The following CNBP variants were observed in gnomAD, a reference collection of about 807,000 sequenced individuals.
CNBP encodes the protein cellular nucleic acid-binding protein.
CNBP carries 6 observed loss-of-function variants against 21.2 expected under a neutral mutation model. The ratio of observed to expected loss-of-function variants is 0.28; its 90% confidence interval spans 0.16 to 0.56. The LOEUF is 0.56. CNBP is among the 20% of genes least tolerant of loss of function. CNBP has a pLI of 0.93. For missense variants in CNBP, 112 were observed against 233.1 expected, an observed-to-expected ratio of 0.48 and a Z score of 3.38; for synonymous variants, 61 against 74.9, an observed-to-expected ratio of 0.81 and a Z score of 0.96.
chr3:129,172,875 T>C (rs1560035513), intron 1 of CNBP, among the ~76,000 whole-genome samples: 2 of 152,104 alleles, frequency 1.3e-5, no homozygotes, highest in Non-Finnish European at 2.9e-5. Context: ...CCCAAACCAA[T>C]GAAGCTGTAA....
chr3:129,176,071 T>A (rs984497968), intron 1 of CNBP, among the ~76,000 whole-genome samples: 1 of 152,200 alleles, frequency 6.6e-6, no homozygotes, highest in African/African-American at 2.4e-5. Flanking sequence ...CAGGTCCCCA[T>A]CCTAGCACTC....
intron 1 of CNBP, among the ~76,000 whole-genome samples, chr3:129,172,720 ACACACACACACACT>A (rs2107636793): frequency 6.6e-6 from 1 of 151,814 alleles, no homozygotes; most frequent in South Asian, 2.1e-4. Context: ...ACACACACAC[ACACACACACACACT>A]GGCAGTAATA....
chr3:129,179,192 G>A (rs761724669), intron 1 of CNBP, among the ~76,000 whole-genome samples: 2 of 151,828 alleles, frequency 1.3e-5, no homozygotes, highest in East Asian at 1.9e-4. Flanking sequence ...CAGGAGAATC[G>A]CTTGAACCCG....
intron 1 of CNBP, among the ~76,000 whole-genome samples, chr3:129,178,071 A>G (rs964533308): frequency 6.8e-6 from 1 of 148,110 alleles, no homozygotes; most frequent in African/African-American, 2.5e-5. Flanking sequence ...ACGCACAAGA[A>G]TTGCTTGAAC....
chr3:129,182,436 G>T (rs1186552110), intron 1 of CNBP, among the ~76,000 whole-genome samples: 1 of 151,972 alleles, frequency 6.6e-6, no homozygotes, highest in African/African-American at 2.4e-5. Flanking sequence ...ACTTCCTTTG[G>T]AAGTGCCCTG....
chr3:129,176,822 T>C (rs1937937315), intron 1 of CNBP, among the ~76,000 whole-genome samples: 1 of 152,212 alleles, frequency 6.6e-6, no homozygotes, highest in African/African-American at 2.4e-5. Flanking sequence ...AATGTAATTT[T>C]TTTTTAAATC....
chr3:129,180,274 T>C (rs557189717), intron 1 of CNBP, among the ~76,000 whole-genome samples: 8 of 152,312 alleles, frequency 5.3e-5, no homozygotes, highest in South Asian at 2.1e-4. Context: ...CTAATACTGA[T>C]AGCTTTTTAA....
chr3:129,181,297 A>G (rs796718309), intron 1 of CNBP, among the ~76,000 whole-genome samples: 38 of 150,424 alleles, frequency 2.5e-4, no homozygotes, highest in Middle Eastern at 3.4e-3. Context: ...ATCATGTAAC[A>G]AAACACATTT....
At chr3:129,175,099 G>A (rs925748277) in intron 1 of CNBP, among the ~76,000 whole-genome samples, 4 of 152,022 alleles carry the variant, frequency 2.6e-5, no homozygotes, top group Non-Finnish European at 5.9e-5. Context: ...TGGGAGGCAG[G>A]CGGATCATGA....
chr3:129,171,887 G>T, intron 1 of CNBP, 116 bp from the exon 2 acceptor site: 1 of 1,173,148 alleles, frequency 8.5e-7, no homozygotes, highest in Non-Finnish European at 1.2e-6. Context: ...TAATATATTG[G>T]TTAAAAAAAT....
In CNBP at chr3:129,183,795, C is replaced by T. The variant is rs1274526389; in HGVS notation, c.-34G>A. 6.5e-6 allele frequency: 1 copy of T among 152,942 alleles called. No individual in the cohort carries two copies. Among genetic ancestry groups the T allele is most frequent in the Non-Finnish European group, 1.5e-5 (1 of 68,234 alleles). The allele number at this position is 152,942 out of a possible 1,614,324, so 9.5% of individuals were successfully genotyped here. A position where few individuals can be genotyped will look rare whatever the true frequency, so the allele number is the denominator to read the frequency against. On this transcript the variant is annotated 5_prime_UTR_variant, in exon 1 of 5. Coordinates refer to ENST00000422453, the MANE Select transcript of CNBP (RefSeq NM_003418.5). ...CCTCACCTTCCGCGTCGGAGCGGGC[C>T]CGCAGCGGCGGAGACTCGGACGCAG...
At chr3:129,181,134 G>A (rs965826524) in intron 1 of CNBP, among the ~76,000 whole-genome samples, 2 of 149,070 alleles carry the variant, frequency 1.3e-5, no homozygotes, top group East Asian at 2.0e-4. Context: ...CAGCTACTTG[G>A]GAGGCTGAGG....
intron 1 of CNBP, among the ~76,000 whole-genome samples, chr3:129,172,025 G>A (rs180866990): frequency 1.1e-4 from 17 of 151,368 alleles, no homozygotes; most frequent in Non-Finnish European, 1.9e-4. Context: ...CAAAAAATTA[G>A]CCCGGTGAAG....
chr3:129,172,679 GACAGACAGACAGACAGACACACACAC>G (rs1483916844), intron 1 of CNBP, among the ~76,000 whole-genome samples: 2 of 99,060 alleles, frequency 2.0e-5, no homozygotes, highest in African/African-American at 7.4e-5. Flanking sequence ...CAGACAGACA[GACAGACAGACAGACAGACACACACAC>G]ACACACACAC....
intron 1 of CNBP, among the ~76,000 whole-genome samples, chr3:129,176,486 T>C (rs916611093): frequency 5.9e-5 from 9 of 152,234 alleles, no homozygotes; most frequent in Non-Finnish European, 1.2e-4. Context: ...GTTATCCTTT[T>C]AGTAGCCATT....
intron 1 of CNBP, among the ~76,000 whole-genome samples, chr3:129,178,178 AAT>A (rs1491503409): frequency 6.2e-4 from 94 of 151,526 alleles, no homozygotes; most frequent in African/African-American, 2.2e-3. Context: ...AAAAAAAAAA[AAT>A]AAGGTCTGAC....
Position 129,181,649 on chromosome 3 carries a change from C to CAA in CNBP, c.-15+2126_-15+2127insTT, listed in dbSNP as rs1367375702. Among the ~76,000 whole-genome samples the CAA allele has an allele frequency of 1.4e-3, 98 of 72,214 alleles. 15 individuals carry two copies. Among genetic ancestry groups the CAA allele is most frequent in the Non-Finnish European group, 1.8e-3 (78 of 44,304 alleles). The allele number at this position is 72,214 out of a possible 152,430, so 47.4% of individuals were successfully genotyped here. A position where few individuals can be genotyped will look rare whatever the true frequency, so the allele number is the denominator to read the frequency against. On this transcript the variant is annotated intron_variant, in intron 1 of 4. Coordinates refer to ENST00000422453, the MANE Select transcript of CNBP (RefSeq NM_003418.5). ...TGGGCGACAGAGTGAGACTCCGTCTCAGAAAAAAAAAAAGAAAAACCCCTG... is the reference window on the plus strand; with the variant it reads ...TGGGCGACAGAGTGAGACTCCGTCTCAAAGAAAAAAAAAAAGAAAAACCCCTG...
In CNBP at chr3:129,174,362, A is replaced by AAAAC. The variant is rs1560036492; in HGVS notation, c.-14-2592_-14-2591insGTTT. On this transcript the variant is annotated intron_variant, in intron 1 of 4. Transcript: ENST00000422453. ...AAGAGTCAGAATTAAAAAAAAAAAA[A>AAAAC]AAAAAAAAAAAACGAATGGCGGGCA... Among the ~76,000 whole-genome samples, 68 of 148,220 alleles carry AAAAC rather than the reference A, an allele frequency of 4.6e-4. 3 individuals are homozygous for AAAAC. In the South Asian group the frequency reaches 0.015, roughly 32 times the overall value.
chr3:129,181,796 A>G (rs533272768), intron 1 of CNBP, among the ~76,000 whole-genome samples: 1 of 152,030 alleles, frequency 6.6e-6, no homozygotes, highest in Non-Finnish European at 1.5e-5. Flanking sequence ...ACAAACTGTT[A>G]TTTTTTTAAA....
Sources: allele counts gnomAD v4.1 joint callset (sites outside exome capture counted in the v4.1 genomes callset), GRCh38; gene constraint gnomAD v4.1.1; transcripts MANE v1.5; gene names NCBI Gene and HGNC (gene_info 2026-07-23, HGNC 2026-07-21).